MYRIP: variants seen among roughly 807,000 people sequenced by gnomAD.
MYRIP encodes rab effector MyRIP.
In MYRIP, 49 loss-of-function variants were observed where a neutral mutation model predicts 98.0. The ratio of observed to expected loss-of-function variants is 0.50; its 90% CI spans 0.40 to 0.63. The LOEUF (loss-of-function observed/expected upper bound fraction) is 0.63. Among genes scored for constraint, MYRIP ranks in the 30% least tolerant of loss-of-function variants. The probability of loss-of-function intolerance (pLI) is 0.00; values close to 1 mark genes in which losing one functional copy is unlikely to be tolerated. For missense variants in MYRIP, 1,004 were observed against 1,058.2 expected (o/e 0.95, Z 0.71); for synonymous variants, 404 against 409.5 (o/e 0.99, Z 0.16).
At chr3:39,902,230 T>G (rs1007805038) in intron 2 of MYRIP, among the ~76,000 whole-genome samples, 1 of 152,196 alleles carries the variant, frequency 6.6e-6, no homozygotes, top group Non-Finnish European at 1.5e-5. Flanking sequence ...CCAAAGGAGA[T>G]GCCAACTTGG....
At chr3:40,106,077 G>A (rs952295635) in intron 3 of MYRIP, among the ~76,000 whole-genome samples, 1 of 151,656 alleles carries the variant, frequency 6.6e-6, no homozygotes. Context: ...CAACTGAACA[G>A]GAGATTTGGG....
chr3:40,111,750 G>A (rs1355338478), intron 3 of MYRIP, among the ~76,000 whole-genome samples: 1 of 151,674 alleles, frequency 6.6e-6, no homozygotes, highest in Non-Finnish European at 1.5e-5. Flanking sequence ...TATAAAGAAC[G>A]TTTGGGAAAA....
At chr3:40,173,260 C>A (rs180720101) in intron 8 of MYRIP, 1 of 152,192 alleles carries the variant, frequency 6.6e-6, no homozygotes, top group African/African-American at 2.4e-5. Flanking sequence ...ATCCTAGCTA[C>A]CCCAAGCCAC....
chr3:40,128,025 G>A lies in MYRIP; in HGVS notation c.333-23023G>A, dbSNP rs141658388. ...AGAGTCCCTCTGAAAAACCTAGAAT[G>A]CTTTCTCTTTTACTGCTGTTGAGTG... is the stretch of plus-strand genomic sequence containing the variant. On this transcript the variant is annotated intron_variant, in intron 3 of 16. Transcript: ENST00000302541. Among the ~76,000 whole-genome samples, 26 of 152,238 alleles carry A rather than the reference G, an allele frequency of 1.7e-4. No individual in the cohort carries two copies. In the East Asian group the frequency reaches 4.6e-3, roughly 27 times the overall value.
At chr3:39,913,592 A>C (rs1260060037) in intron 2 of MYRIP, among the ~76,000 whole-genome samples, 1 of 152,248 alleles carries the variant, frequency 6.6e-6, no homozygotes, top group East Asian at 1.9e-4. Context: ...AAATGGACTA[A>C]GAAAAATCAG....
At chr3:40,159,923 C>G (rs557029098) in intron 4 of MYRIP, among the ~76,000 whole-genome samples, 1 of 152,140 alleles carries the variant, frequency 6.6e-6, no homozygotes, top group African/African-American at 2.4e-5. Context: ...TTTTCAACTT[C>G]TTTGCCTTTG....
At chr3:40,238,441 C>G (rs530877169) in intron 12 of MYRIP, among the ~76,000 whole-genome samples, 90 of 152,302 alleles carry the variant, frequency 5.9e-4, no homozygotes, top group Non-Finnish European at 1.0e-3. Flanking sequence ...AAAGAACAGT[C>G]CTGCACTCCT....
At chr3:40,087,911 A>T (rs897122570) in intron 3 of MYRIP, among the ~76,000 whole-genome samples, 1 of 146,900 alleles carries the variant, frequency 6.8e-6, no homozygotes, top group Non-Finnish European at 1.5e-5. Context: ...GGGCACAAAG[A>T]TGCCTGTGCC....
intron 14 of MYRIP, 46 bp downstream of exon 14, chr3:40,250,372 G>A: frequency 6.2e-7 from 1 of 1,613,280 alleles, no homozygotes; most frequent in South Asian, 1.1e-5. Flanking sequence ...ACATGGCTTG[G>A]AAAATTTAGA....
rs138774955 is a variant in MYRIP, at chr3:40,151,107, G to T, written c.392G>T (p.Arg131Leu). Residue 131 changes from arginine (R) to leucine (L), a missense_variant, in exon 4 of 17, where the codon CGC becomes CTC. Around this residue, in one of 3 missense-constraint regions of MYRIP, gnomAD observed 880 missense variants for 907.7 expected, o/e 0.97. Transcript: ENST00000302541. ...FYNNVKSRFKRFGSAKVLKNL... is the reference protein window; with the variant it reads ...FYNNVKSRFKLFGSAKVLKNL... ...AATAATGTGAAGAGCCGCTTCAAGC[G>T]CTTTGGCAGTGCCAAGGTTCTGAAG... The T allele has an allele frequency of 1.2e-5, 19 of 1,610,596 alleles. No homozygotes were observed. In the South Asian group the frequency reaches 2.0e-4, roughly 17 times the overall value.
At chr3:40,211,675 T>G (rs549111880) in intron 11 of MYRIP, among the ~76,000 whole-genome samples, 168 of 152,320 alleles carry the variant, frequency 1.1e-3, no homozygotes, top group Non-Finnish European at 1.9e-3. Context: ...GAATATCACA[T>G]TCTTTCTTAC....
At chr3:40,031,817 G>A (rs1279889821) in intron 2 of MYRIP, among the ~76,000 whole-genome samples, 1 of 152,120 alleles carries the variant, frequency 6.6e-6, no homozygotes, top group African/African-American at 2.4e-5. Context: ...TTGTATTTCT[G>A]TGGGATTGGT....
intron 2 of MYRIP, among the ~76,000 whole-genome samples, chr3:40,030,360 G>C (rs1193040852): frequency 6.6e-6 from 1 of 152,112 alleles, no homozygotes; most frequent in Admixed American, 6.6e-5. Flanking sequence ...TGGGGAGGAT[G>C]TGGAGAAATT....
chr3:39,876,251 G>A (rs1942991402), intron 1 of MYRIP, among the ~76,000 whole-genome samples: 1 of 152,066 alleles, frequency 6.6e-6, no homozygotes, highest in Admixed American at 6.5e-5. Flanking sequence ...ACGTGAGATG[G>A]GTTTCCTGAA....
At position 40,034,938 on chromosome 3, in the gene MYRIP, T is replaced by C. The variant is rs899221426; in HGVS notation, c.111-9112T>C. Among the ~76,000 whole-genome samples the C allele has an allele frequency of 6.6e-5, 10 of 150,946 alleles. No individual in the cohort carries two copies. In the East Asian group the frequency reaches 7.8e-4, roughly 12 times the overall value. ...GTCCTTTGTAGGGACATGGATGAAATTGGAAATCATCATTCTCAGTAAACT... is the reference window on the plus strand; with the variant it reads ...GTCCTTTGTAGGGACATGGATGAAACTGGAAATCATCATTCTCAGTAAACT... On this transcript the variant is annotated intron_variant, in intron 2 of 16. Coordinates refer to ENST00000302541, the MANE Select transcript of MYRIP (RefSeq NM_015460.4).
intron 3 of MYRIP, among the ~76,000 whole-genome samples, chr3:40,142,892 G>A (rs764780592): frequency 6.6e-6 from 1 of 152,166 alleles, no homozygotes; most frequent in East Asian, 1.9e-4. Flanking sequence ...GCCACCTCTC[G>A]TACACACCTA....
At chr3:39,965,533 C>A (rs1030566949) in intron 2 of MYRIP, among the ~76,000 whole-genome samples, 1 of 152,006 alleles carries the variant, frequency 6.6e-6, no homozygotes, top group Non-Finnish European at 1.5e-5. Context: ...TGGTCAGGGT[C>A]AGTTAGAGAA....
chr3:39,962,077 T>G (rs377597147), intron 2 of MYRIP, among the ~76,000 whole-genome samples: 34 of 152,230 alleles, frequency 2.2e-4, no homozygotes, highest in African/African-American at 7.9e-4. Flanking sequence ...TCTAATTAAT[T>G]CATCTGGATT....
chr3:40,034,451 A>C (rs758427454), intron 2 of MYRIP, among the ~76,000 whole-genome samples: 1 of 151,812 alleles, frequency 6.6e-6, no homozygotes, highest in Admixed American at 6.6e-5. Flanking sequence ...ACATTTATGC[A>C]GCCAAAAGAC....
Sources: allele counts gnomAD v4.1 joint callset (sites outside exome capture counted in the v4.1 genomes callset), GRCh38; gene constraint gnomAD v4.1.1; regional missense constraint gnomAD v4.1.1; transcripts MANE v1.5; gene names NCBI Gene and HGNC (gene_info 2026-07-23, HGNC 2026-07-21).